TENM3: variants seen among roughly 807,000 people sequenced by gnomAD.
TENM3 encodes teneurin-3.
A neutral mutation model predicts 255.1 loss-of-function variants in TENM3; 63 were observed. The ratio of observed to expected loss-of-function variants is 0.25; its 90% CI spans 0.20 to 0.30. The LOEUF (loss-of-function observed/expected upper bound fraction) is 0.30, where lower values mean the gene tolerates loss of function less well. Ranked by LOEUF, TENM3 falls within the 10% of genes least tolerant of loss-of-function variation. The probability of loss-of-function intolerance (pLI) is 1.00; values close to 1 mark genes in which losing one functional copy is unlikely to be tolerated. For synonymous variants in TENM3, 1,306 were observed against 1,322.3 expected (o/e 0.99, Z 0.27); for missense variants, 2,929 against 3,461.1 (o/e 0.85, Z 3.86).
the TENM3 span, among the ~76,000 whole-genome samples, chr4:182,066,599 A>AATATATATAT: frequency 3.6e-5 from 5 of 137,106 alleles, no homozygotes; most frequent in African/African-American, 1.1e-4. Context: ...GTAAAAAAAA[A>AATATATATAT]ATATATATAT....
chr4:182,351,800 C>A (rs1561353635), intron 3 of TENM3, among the ~76,000 whole-genome samples: 1 of 152,094 alleles, frequency 6.6e-6, no homozygotes, highest in Non-Finnish European at 1.5e-5. Flanking sequence ...AGTTGCTCAC[C>A]ATTCCGTGCC....
chr4:181,508,892 CTTTTTTTT>C, the TENM3 span, among the ~76,000 whole-genome samples: 25 of 53,818 alleles, frequency 4.6e-4, no homozygotes, highest in South Asian at 2.7e-3. Context: ...ATTTCCAACA[CTTTTTTTT>C]TTTTTTTTTT....
At chr4:181,514,484 T>C in the TENM3 span, among the ~76,000 whole-genome samples, 6 of 152,212 alleles carry the variant, frequency 3.9e-5, no homozygotes, top group African/African-American at 1.4e-4. Context: ...GATAATTACA[T>C]TTTTCCCTTG....
chr4:181,858,066 A>T, the TENM3 span, among the ~76,000 whole-genome samples: 1 of 152,186 alleles, frequency 6.6e-6, no homozygotes, highest in Admixed American at 6.5e-5. Context: ...TGTTTAAATA[A>T]CTATTCACAT....
At chr4:182,362,153 G>A (rs1051954898) in intron 3 of TENM3, among the ~76,000 whole-genome samples, 38 of 152,176 alleles carry the variant, frequency 2.5e-4, no homozygotes, top group Non-Finnish European at 4.9e-4. Context: ...CAGTTAGGCT[G>A]CTCGGGGGTC....
chr4:181,671,459 C>A, the TENM3 span, among the ~76,000 whole-genome samples: 1 of 152,142 alleles, frequency 6.6e-6, no homozygotes, highest in African/African-American at 2.4e-5. Context: ...TAACTCCTGG[C>A]TTAGCCTCTT....
intron 3 of TENM3, among the ~76,000 whole-genome samples, chr4:182,482,067 G>T (rs1365595410): frequency 6.6e-6 from 1 of 152,032 alleles, no homozygotes; most frequent in African/African-American, 2.4e-5. Flanking sequence ...TTATACTTCA[G>T]TTTTTACCTA....
chr4:182,464,255 T>A, intron 3 of TENM3, among the ~76,000 whole-genome samples: 1 of 152,136 alleles, frequency 6.6e-6, no homozygotes, highest in Non-Finnish European at 1.5e-5. Context: ...ATTAAAAAAT[T>A]ATACAGTACT....
chr4:181,642,639 ATTTT>A, the TENM3 span, among the ~76,000 whole-genome samples: 5 of 152,040 alleles, frequency 3.3e-5, no homozygotes, highest in African/African-American at 1.2e-4. Flanking sequence ...TTTTGAGTTA[ATTTT>A]TGAGTTAATC....
intron 3 of TENM3, among the ~76,000 whole-genome samples, chr4:182,546,500 A>G (rs1450225846): frequency 1.3e-5 from 2 of 152,192 alleles, no homozygotes; most frequent in East Asian, 1.9e-4. Flanking sequence ...TTGTGGCACA[A>G]TTATGGCTCA....
chr4:181,711,420 G>A, the TENM3 span, among the ~76,000 whole-genome samples: 1 of 152,172 alleles, frequency 6.6e-6, no homozygotes, highest in African/African-American at 2.4e-5. Flanking sequence ...ACTATTTCTA[G>A]ACCCAAGTGT....
the TENM3 span, among the ~76,000 whole-genome samples, chr4:181,705,169 C>T: frequency 6.6e-6 from 1 of 152,000 alleles, no homozygotes. Context: ...ACATTTATTC[C>T]AATTATTACA....
intron 5 of TENM3, among the ~76,000 whole-genome samples, chr4:182,651,343 A>T (rs1561056976): frequency 6.6e-6 from 1 of 152,132 alleles, no homozygotes; most frequent in Non-Finnish European, 1.5e-5. Flanking sequence ...ACCTTTTTAC[A>T]TGATGACAAC....
chr4:182,054,447 G>C, the TENM3 span, among the ~76,000 whole-genome samples: 1 of 152,156 alleles, frequency 6.6e-6, no homozygotes, highest in African/African-American at 2.4e-5. Flanking sequence ...CGTACTGTTA[G>C]GGGAGAAATT....
chr4:182,346,562 T>G, intron 2 of TENM3, 89 bp from the exon 3 acceptor site: 1 of 1,165,560 alleles, frequency 8.6e-7, no homozygotes, highest in Non-Finnish European at 1.2e-6. Context: ...TGTTTATTTC[T>G]GAAAGACATT....
intron 19 of TENM3, among the ~76,000 whole-genome samples, chr4:182,745,776 A>G (rs548862306): frequency 5.9e-5 from 9 of 151,504 alleles, no homozygotes; most frequent in Admixed American, 2.6e-4. Context: ...TTATTTCACA[A>G]TCATTTTACC....
At chr4:181,635,657 G>A in the TENM3 span, among the ~76,000 whole-genome samples, 1 of 152,324 alleles carries the variant, frequency 6.6e-6, no homozygotes, top group Admixed American at 6.5e-5. Context: ...GTGGAGTGGA[G>A]AGGAACAGAT....
the TENM3 span, among the ~76,000 whole-genome samples, chr4:181,571,699 T>C: frequency 6.6e-6 from 1 of 152,194 alleles, no homozygotes; most frequent in Non-Finnish European, 1.5e-5. Flanking sequence ...TACAATTAGA[T>C]ATGAATTCTA....
rs550338568 is a variant in TENM3 at position 182,414,701 on chromosome 4, T to A, written c.511+67772T>A. 1.1e-4 allele frequency among the ~76,000 whole-genome samples: 17 copies of A among 152,322 alleles called. No individual in the cohort carries two copies. In the South Asian group the frequency reaches 3.5e-3, roughly 32 times the overall value. On this transcript the variant is annotated intron_variant, in intron 3 of 27. Coordinates refer to ENST00000511685, the MANE Select transcript of TENM3 (RefSeq NM_001080477.4). ...ATAATATTGAACTAATCTAAGGAGA[T>A]GTGTGAAATAAATCCTTATAAAGTA...
Sources: gnomAD v4.1 joint callset for allele counts (sites outside exome capture counted in the v4.1 genomes callset) on GRCh38, gnomAD v4.1.1 for gene constraint, MANE v1.5 for transcripts, NCBI Gene and HGNC (gene_info 2026-07-23, HGNC 2026-07-21) for gene names.